Variants in SHLD2 observed in about 807,000 individuals in gnomAD.
The protein encoded by SHLD2 is shieldin complex subunit 2.
A neutral mutation model predicts 73.2 loss-of-function variants in SHLD2; 30 were observed. The observed-to-expected ratio is 0.41, with a 90% CI of 0.31 to 0.56. The LOEUF (loss-of-function observed/expected upper bound fraction) is 0.56, where lower values mean the gene tolerates loss of function less well. Ranked by LOEUF, SHLD2 falls within the 20% of genes least tolerant of loss-of-function variation. SHLD2 has a pLI of 0.28. For synonymous variants in SHLD2, 285 were observed against 370.1 expected (o/e 0.77, Z 2.64); for missense variants, 745 against 1,055.9 (o/e 0.71, Z 4.08).
At position 87,160,514 on chromosome 10, in the gene SHLD2, C is replaced by T. The variant is rs1046317509; in HGVS notation, c.1633+2359C>T. 9.2e-5 allele frequency among the ~76,000 whole-genome samples: 14 copies of T among 152,142 alleles called. 1 individual carries two copies. The highest frequency in any genetic ancestry group is 2.9e-4 in the African/African-American group (12 of 41,512). ...TTCTTAAATAAATATAGCATCAATA[C>T]AGCATTATAATATGATTAATACTAT... On this transcript the variant is annotated intron_variant, in intron 4 of 9. Coordinates refer to ENST00000298786, the MANE Select transcript of SHLD2 (RefSeq NM_001330112.2).
chr10:87,100,369 C>T (rs1842185008), intron 2 of SHLD2, among the ~76,000 whole-genome samples: 1 of 152,130 alleles, frequency 6.6e-6, no homozygotes, highest in South Asian at 2.1e-4. Flanking sequence ...ATTGTCTTCA[C>T]ACTCTATGAA....
chr10:87,107,444 A>G (rs544647695), intron 2 of SHLD2, among the ~76,000 whole-genome samples: 1 of 151,986 alleles, frequency 6.6e-6, no homozygotes, highest in Non-Finnish European at 1.5e-5. Flanking sequence ...AGAAAATAAT[A>G]TGGTGCTGTG....
chr10:87,180,351 T>C (rs547764716), intron 8 of SHLD2, 48 bp downstream of exon 8: 1 of 1,586,966 alleles, frequency 6.3e-7, no homozygotes, highest in South Asian at 1.1e-5. Context: ...TTATTATAGA[T>C]CTGGAAAAAT....
chr10:87,104,473 G>T (rs1213518723), intron 2 of SHLD2, among the ~76,000 whole-genome samples: 1 of 151,706 alleles, frequency 6.6e-6, no homozygotes, highest in African/African-American at 2.4e-5. Context: ...CTTGAACCCG[G>T]GAGTGAGCCG....
At chr10:87,184,513 C>A (rs1029836810) in intron 8 of SHLD2, among the ~76,000 whole-genome samples, 1 of 152,006 alleles carries the variant, frequency 6.6e-6, no homozygotes, top group African/African-American at 2.4e-5. Flanking sequence ...TTGCGCAAAC[C>A]AGCACACCAG....
At chr10:87,182,087 A>G (rs1216658816) in intron 8 of SHLD2, among the ~76,000 whole-genome samples, 1 of 152,244 alleles carries the variant, frequency 6.6e-6, no homozygotes, top group African/African-American at 2.4e-5. Context: ...TTAAATTGTT[A>G]TTAGAGTCCA....
Position 87,151,781 on chromosome 10 carries a change from A to T in SHLD2, c.427A>T (p.Ser143Cys), listed in dbSNP as rs1393666964. The T allele has an allele frequency of 6.2e-7, 1 of 1,611,872 alleles. No homozygotes were observed. The highest frequency in any genetic ancestry group is 2.2e-5 in the East Asian group (1 of 44,878). The change falls in exon 3 of 10, where the codon AGT becomes TGT. Residue 143 changes from serine (S) to cysteine (C), a missense_variant. By Grantham distance (112) the Ser-to-Cys change is moderately radical (BLOSUM62 -1). This residue lies in a region of SHLD2 where 280 missense variants were observed against 353.9 expected (regional missense o/e 0.79). Coordinates refer to ENST00000298786, the MANE Select transcript of SHLD2 (RefSeq NM_001330112.2). The part of the protein sequence containing the change: ...TEEEKYQKLL[S>C]ENKIRDEQPK... Reference sequence around the variant, plus strand: ...AGAAGAAAAGTATCAAAAGCTTCTCAGTGAAAATAAAATTAGAGATGAACA... The same window carrying T: ...AGAAGAAAAGTATCAAAAGCTTCTCTGTGAAAATAAAATTAGAGATGAACA...
At chr10:87,158,025 C>G (rs1470179392) in intron 3 of SHLD2, 23 bp from the exon 4 acceptor site, 1 of 1,603,002 alleles carries the variant, frequency 6.2e-7, no homozygotes, top group Non-Finnish European at 8.5e-7. Context: ...ATGGCATGAT[C>G]AGAACGTTTT....
chr10:87,143,368 TATTA>T (rs1298656788), intron 2 of SHLD2, among the ~76,000 whole-genome samples: 1 of 152,194 alleles, frequency 6.6e-6, no homozygotes, highest in Non-Finnish European at 1.5e-5. Context: ...AGACATTTTC[TATTA>T]ATTCTGAATC....
At chr10:87,142,030 CAAAA>C (rs879494523) in intron 2 of SHLD2, among the ~76,000 whole-genome samples, 11 of 123,836 alleles carry the variant, frequency 8.9e-5, no homozygotes, top group African/African-American at 3.5e-4. Context: ...GACTCCATCT[CAAAA>C]AAAAAAAAAA....
intron 2 of SHLD2, among the ~76,000 whole-genome samples, chr10:87,138,992 A>T (rs1184145761): frequency 2.0e-5 from 3 of 152,214 alleles, no homozygotes; most frequent in African/African-American, 7.2e-5. Flanking sequence ...GAAAACAATA[A>T]AAGGAACTAC....
chr10:87,153,300 G>A (rs1846145841), intron 3 of SHLD2, among the ~76,000 whole-genome samples: 2 of 152,188 alleles, frequency 1.3e-5, no homozygotes, highest in African/African-American at 4.8e-5. Context: ...CAGCTACCCA[G>A]GAGGCTGACG....
In SHLD2 at chr10:87,186,925, T is replaced by G. The variant is rs1316695315; in HGVS notation, c.2400-160T>G. Among the ~76,000 whole-genome samples the G allele has an allele frequency of 2.6e-5, 4 of 152,214 alleles. No homozygotes were observed. The East Asian group carries it at 7.7e-4, about 29-fold the overall frequency. On this transcript the variant is annotated intron_variant, in intron 8 of 9. Coordinates refer to ENST00000298786, the MANE Select transcript of SHLD2 (RefSeq NM_001330112.2). ...AGCTCTTGGGGAAAAAAAAAAACCT[T>G]TTTTTCCTTCTAGGATGTCACAGAA...
rs926096323 is a variant in SHLD2, at chr10:87,151,474, G to T, written c.120G>T (p.Gln40His). The T allele has an allele frequency of 2.5e-6, 4 of 1,610,428 alleles. No individual in the cohort carries two copies. Among genetic ancestry groups the T allele is most frequent in the Non-Finnish European group, 2.5e-6 (3 of 1,179,294 alleles). Residue 40 changes from glutamine to histidine, a missense_variant, in exon 3 of 10, where the codon CAG (glutamine) becomes CAT (histidine). Coordinates refer to ENST00000298786, the MANE Select transcript of SHLD2 (RefSeq NM_001330112.2). ...MSVADPWKKI[Q>H]LLYSQHSLYL... The stretch of plus-strand genomic sequence containing the variant: ...TTGCTGACCCCTGGAAAAAAATTCA[G>T]CTTTTATACAGTCAACATTCTTTAT...
intron 2 of SHLD2, among the ~76,000 whole-genome samples, chr10:87,098,927 C>G (rs1363445810): frequency 6.6e-6 from 1 of 152,126 alleles, no homozygotes; most frequent in African/African-American, 2.4e-5. Context: ...AGGCACCTGC[C>G]GCCACTCCCG....
At chr10:87,114,845 A>C (rs2134029084) in intron 2 of SHLD2, among the ~76,000 whole-genome samples, 2 of 152,276 alleles carry the variant, frequency 1.3e-5, no homozygotes, top group Non-Finnish European at 2.9e-5. Context: ...TATTTTGGAG[A>C]TAGTTTGATA....
At chr10:87,115,990 GT>G (rs1843235588) in intron 2 of SHLD2, among the ~76,000 whole-genome samples, 1 of 152,170 alleles carries the variant, frequency 6.6e-6, no homozygotes, top group Non-Finnish European at 1.5e-5. Context: ...GTAGCTTTCA[GT>G]AAATATTTAT....
intron 2 of SHLD2, among the ~76,000 whole-genome samples, chr10:87,106,419 A>AG (rs1842597987): frequency 3.0e-5 from 4 of 132,288 alleles, no homozygotes; most frequent in African/African-American, 1.2e-4. Context: ...CAATTTACAA[A>AG]AGGGGGGGAA....
At chr10:87,119,871 T>A (rs1843486322) in intron 2 of SHLD2, among the ~76,000 whole-genome samples, 1 of 151,998 alleles carries the variant, frequency 6.6e-6, no homozygotes, top group Admixed American at 6.6e-5. Context: ...AGCAATCAAC[T>A]TTTGGAGTTT....
Sources: gnomAD v4.1 joint callset for allele counts (sites outside exome capture counted in the v4.1 genomes callset) on GRCh38, gnomAD v4.1.1 for gene constraint, gnomAD v4.1.1 regional missense constraint, MANE v1.5 for transcripts, NCBI Gene and HGNC (gene_info 2026-07-23, HGNC 2026-07-21) for gene names.